QKI: variants seen among roughly 807,000 people sequenced by gnomAD.
QKI encodes KH domain-containing RNA-binding protein QKI.
A neutral mutation model predicts 39.0 loss-of-function variants in QKI; 10 were observed. The ratio of observed to expected loss-of-function variants is 0.26; its 90% CI spans 0.16 to 0.43. QKI has a LOEUF of 0.43. Ranked by LOEUF, QKI falls within the 20% of genes least tolerant of loss-of-function variation. The pLI, the probability that QKI is intolerant of heterozygous loss-of-function variation, is 1.00. For missense variants in QKI, 218 were observed against 428.0 expected (o/e 0.51, Z 4.33); for synonymous variants, 204 against 155.4 (o/e 1.31, Z -2.33).
chr6:163,553,738 T>G (rs1229852162), intron 4 of QKI, among the ~76,000 whole-genome samples: 1 of 152,222 alleles, frequency 6.6e-6, no homozygotes, highest in Non-Finnish European at 1.5e-5. Context: ...TTTCTGAGAT[T>G]GTTACTTTTC....
chr6:163,513,606 C>G (rs1241332142), intron 3 of QKI, among the ~76,000 whole-genome samples: 10 of 152,108 alleles, frequency 6.6e-5, no homozygotes, highest in African/African-American at 2.2e-4. Context: ...TTTTTCACAA[C>G]ATACAGCAAT....
At chr6:163,473,933 A>G (rs1792386983) in intron 2 of QKI, among the ~76,000 whole-genome samples, 1 of 149,150 alleles carries the variant, frequency 6.7e-6, no homozygotes. Flanking sequence ...AAAAAAAAAA[A>G]TCACCAGAAT....
chr6:163,541,277 T>G (rs1343263850), intron 4 of QKI, among the ~76,000 whole-genome samples: 8 of 152,100 alleles, frequency 5.3e-5, no homozygotes, highest in Admixed American at 4.6e-4. Flanking sequence ...TTTCTGTTTA[T>G]CATACTGTAG....
At chr6:163,542,129 G>A (rs1562527427) in intron 4 of QKI, among the ~76,000 whole-genome samples, 1 of 151,586 alleles carries the variant, frequency 6.6e-6, no homozygotes, top group African/African-American at 2.4e-5. Context: ...AGGAATAGTA[G>A]CCCCCCCAAA....
intron 1 of QKI, among the ~76,000 whole-genome samples, chr6:163,450,672 C>T (rs748951863): frequency 2.6e-5 from 4 of 151,378 alleles, no homozygotes; most frequent in Admixed American, 6.6e-5. Context: ...AGAAATGTGA[C>T]GAGGCAGTAA....
At chr6:163,542,131 C>G (rs1275012734) in intron 4 of QKI, among the ~76,000 whole-genome samples, 1 of 151,434 alleles carries the variant, frequency 6.6e-6, no homozygotes, top group African/African-American at 2.4e-5. Flanking sequence ...GAATAGTAGC[C>G]CCCCCAAAAA....
intron 2 of QKI, among the ~76,000 whole-genome samples, chr6:163,462,673 AAAATTTTGGT>A (rs1487324261): frequency 2.6e-5 from 4 of 152,338 alleles, no homozygotes; most frequent in Middle Eastern, 6.8e-3. Context: ...ATAAAACAGC[AAAATTTTGGT>A]ATCATTTCTT....
chr6:163,508,834 T>A (rs1779261173), intron 3 of QKI, among the ~76,000 whole-genome samples: 1 of 151,774 alleles, frequency 6.6e-6, no homozygotes, highest in Non-Finnish European at 1.5e-5. Context: ...TGGGCACTTT[T>A]ACCTTTTTAA....
chr6:163,565,145 T>C (rs1424286718), intron 6 of QKI: 1 of 996,718 alleles, frequency 1.0e-6, no homozygotes, highest in Non-Finnish European at 1.2e-6. Flanking sequence ...CAGAACTGTT[T>C]ATGAGAGGCT....
At chr6:163,549,237 A>G (rs1782077939) in intron 4 of QKI, among the ~76,000 whole-genome samples, 1 of 152,020 alleles carries the variant, frequency 6.6e-6, no homozygotes, top group African/African-American at 2.4e-5. Flanking sequence ...GTGATGATGA[A>G]ATTTGAGCAG....
intron 1 of QKI, 23 bp downstream of exon 1, chr6:163,415,358 C>T (rs760348658): frequency 5.7e-6 from 9 of 1,572,030 alleles, no homozygotes; most frequent in Non-Finnish European, 6.9e-6. Flanking sequence ...AGGGCCCCGG[C>T]CCCGGCCCGA....
At chr6:163,509,401 A>C (rs541549642) in intron 3 of QKI, among the ~76,000 whole-genome samples, 2 of 152,230 alleles carry the variant, frequency 1.3e-5, no homozygotes, top group African/African-American at 4.8e-5. Context: ...AAATACCTTC[A>C]TAAAGAGGAA....
intron 3 of QKI, among the ~76,000 whole-genome samples, chr6:163,507,656 T>C (rs1779183356): frequency 6.6e-6 from 1 of 152,226 alleles, no homozygotes; most frequent in African/African-American, 2.4e-5. Flanking sequence ...AGATGTGAAC[T>C]AAGACCATAG....
intron 3 of QKI, among the ~76,000 whole-genome samples, chr6:163,487,285 T>G (rs1562480064): frequency 6.6e-6 from 1 of 152,124 alleles, no homozygotes; most frequent in African/African-American, 2.4e-5. Context: ...ATTGCCTCTC[T>G]CCTTTCAAGA....
chr6:163,478,169 A>G (rs891455245), intron 2 of QKI, among the ~76,000 whole-genome samples: 9 of 152,116 alleles, frequency 5.9e-5, no homozygotes, highest in East Asian at 1.9e-4. Context: ...AATTTATACA[A>G]TTATTGATAT....
chr6:163,415,727 C>G (rs1787402271), intron 1 of QKI, among the ~76,000 whole-genome samples: 1 of 151,892 alleles, frequency 6.6e-6, no homozygotes, highest in South Asian at 2.1e-4. Context: ...GCGCCGCCGG[C>G]CTGGAGGACG....
intron 3 of QKI, among the ~76,000 whole-genome samples, chr6:163,520,677 T>G (rs1780096778): frequency 1.3e-5 from 2 of 152,286 alleles, no homozygotes; most frequent in South Asian, 4.1e-4. Flanking sequence ...GAAGAATGAT[T>G]TTTTCAATGC....
chr6:163,466,389 G>C (rs1052533589), intron 2 of QKI, among the ~76,000 whole-genome samples: 3 of 151,944 alleles, frequency 2.0e-5, no homozygotes, highest in Non-Finnish European at 4.4e-5. Flanking sequence ...ACAGAAATAG[G>C]AAAAAACAAT....
chr6:163,532,962 CTTG>C (rs1171551059), intron 3 of QKI, among the ~76,000 whole-genome samples: 1 of 152,096 alleles, frequency 6.6e-6, no homozygotes, highest in East Asian at 1.9e-4. Context: ...TGGCTTGAAA[CTTG>C]TTGATACGTT....
Sources: gnomAD v4.1 joint callset for allele counts (sites outside exome capture counted in the v4.1 genomes callset) on GRCh38, gnomAD v4.1.1 for gene constraint, MANE v1.5 for transcripts, NCBI Gene and HGNC (gene_info 2026-07-23, HGNC 2026-07-21) for gene names.